VSTM4: variants seen among roughly 807,000 people sequenced by gnomAD.
The protein encoded by VSTM4 is V-set and transmembrane domain containing 4.
A neutral mutation model predicts 36.4 loss-of-function variants in VSTM4; 20 were observed. The ratio of observed to expected loss-of-function variants is 0.55; its 90% CI spans 0.39 to 0.80. VSTM4 has a LOEUF of 0.80. VSTM4 is among the 30% of genes least tolerant of loss of function. The probability of loss-of-function intolerance (pLI) is 0.00; values close to 1 mark genes in which losing one functional copy is unlikely to be tolerated. For missense variants in VSTM4, 392 were observed against 404.5 expected, an observed-to-expected ratio of 0.97 and a Z score of 0.26; for synonymous variants, 182 against 173.9, an observed-to-expected ratio of 1.05 and a Z score of -0.37.
At chr10:49,107,513 A>C (rs569871917) in intron 2 of VSTM4, 81 bp downstream of exon 2, 1 of 1,504,832 alleles carries the variant, frequency 6.6e-7, no homozygotes, top group Admixed American at 2.3e-5. Context: ...CCAACCCGGG[A>C]GCCCCTGGGT....
chr10:49,021,916 G>C (rs1048279452), intron 7 of VSTM4, among the ~76,000 whole-genome samples: 1 of 152,174 alleles, frequency 6.6e-6, no homozygotes, highest in South Asian at 2.1e-4. Context: ...GCATGTATGC[G>C]TGTATGTAAG....
chr10:49,043,379 A>G (rs991972839), intron 7 of VSTM4, among the ~76,000 whole-genome samples: 1 of 152,252 alleles, frequency 6.6e-6, no homozygotes, highest in African/African-American at 2.4e-5. Flanking sequence ...AAATGTGGCT[A>G]CTAGAAAGTT....
At chr10:49,027,776 G>A (rs929625771) in intron 7 of VSTM4, among the ~76,000 whole-genome samples, 1 of 152,220 alleles carries the variant, frequency 6.6e-6, no homozygotes, top group African/African-American at 2.4e-5. Context: ...AGCAACGATT[G>A]TCTGCTCCTC....
chr10:49,043,217 T>C (rs1473389539), intron 7 of VSTM4, among the ~76,000 whole-genome samples: 2 of 152,230 alleles, frequency 1.3e-5, no homozygotes, highest in Non-Finnish European at 2.9e-5. Flanking sequence ...AAATAGACAC[T>C]GGATTCTGAA....
intron 7 of VSTM4, among the ~76,000 whole-genome samples, chr10:49,043,007 C>G (rs1843544642): frequency 6.6e-6 from 1 of 152,098 alleles, no homozygotes; most frequent in South Asian, 2.1e-4. Flanking sequence ...CAGGAACATG[C>G]TTGGTATATT....
At chr10:49,025,733 G>C (rs966061289) in intron 7 of VSTM4, among the ~76,000 whole-genome samples, 1 of 152,188 alleles carries the variant, frequency 6.6e-6, no homozygotes, top group Admixed American at 6.5e-5. Context: ...AATGCACCTG[G>C]CTACCAAGTG....
chr10:49,026,260 A>G (rs1843259691), intron 7 of VSTM4, among the ~76,000 whole-genome samples: 1 of 152,190 alleles, frequency 6.6e-6, no homozygotes, highest in South Asian at 2.1e-4. Flanking sequence ...CCCTGGGTCT[A>G]CCCAGGGTCT....
Position 49,019,350 on chromosome 10 carries a change from T to C in VSTM4, c.*300A>G. 4.2e-6 allele frequency: 1 copy of C among 238,698 alleles called. No homozygotes were observed. Among genetic ancestry groups the C allele is most frequent in the East Asian group, 8.1e-5 (1 of 12,270 alleles). 14.8% of individuals were successfully genotyped at this position (238,698 alleles called of 1,614,324 possible). On this transcript the variant is annotated 3_prime_UTR_variant, in exon 8 of 8. Coordinates refer to ENST00000332853, the MANE Select transcript of VSTM4 (RefSeq NM_001031746.5). The stretch of plus-strand genomic sequence containing the variant: ...AAAACCTGGGGAAAGAGGAGAAAAA[T>C]GTGAAGGGGTTTGGCTCAGCAGAAA...
At chr10:49,021,867 G>C (rs1305324090) in intron 7 of VSTM4, among the ~76,000 whole-genome samples, 1 of 152,174 alleles carries the variant, frequency 6.6e-6, no homozygotes, top group East Asian at 1.9e-4. Context: ...GGAGCTATAT[G>C]TGTACTTTAT....
intron 5 of VSTM4, among the ~76,000 whole-genome samples, chr10:49,052,667 G>T (rs1843716661): frequency 6.6e-6 from 1 of 151,848 alleles, no homozygotes; most frequent in Admixed American, 6.6e-5. Context: ...TCAAAACTTG[G>T]GTAGTCTCCC....
At position 49,047,041 on chromosome 10, in the gene VSTM4, G is replaced by C. The variant is rs187843947; in HGVS notation, c.779C>G (p.Pro260Arg). The part of the protein sequence containing the change: ...DIPPAVPAKA[P>R]IAPTFHKPKL... ...CGGTTTATGGAACGTGGGGGCTATC[G>C]GAGCTGTGGAAGTAGGTCAAGGGTT... Residue 260 changes from proline to arginine, a missense_variant, in exon 7 of 8, where the codon CCG (proline) becomes CGG (arginine). Coordinates refer to ENST00000332853, the MANE Select transcript of VSTM4 (RefSeq NM_001031746.5). 1.2e-6 allele frequency: 2 copies of C among 1,614,118 alleles called. No individual in the cohort carries two copies. Among genetic ancestry groups the C allele is most frequent in the Non-Finnish European group, 1.7e-6 (2 of 1,180,024 alleles).
At chr10:49,092,144 T>C (rs1258309369) in intron 2 of VSTM4, among the ~76,000 whole-genome samples, 1 of 152,200 alleles carries the variant, frequency 6.6e-6, no homozygotes, top group African/African-American at 2.4e-5. Context: ...CTTAGTGCTC[T>C]AAAGCCATAT....
At chr10:49,034,494 T>C (rs1843397795) in intron 7 of VSTM4, among the ~76,000 whole-genome samples, 2 of 152,220 alleles carry the variant, frequency 1.3e-5, no homozygotes. Flanking sequence ...CTATGTCTTA[T>C]TGTCTTTTGG....
intron 4 of VSTM4, among the ~76,000 whole-genome samples, chr10:49,073,235 G>A (rs988269370): frequency 6.6e-6 from 1 of 152,202 alleles, no homozygotes; most frequent in African/African-American, 2.4e-5. Context: ...CTGAGCCTGA[G>A]CAACCTTCTT....
rs1843114792 is a variant in VSTM4 at position 49,017,062 on chromosome 10, GC to G, written c.*2587del. 2 of 152,182 alleles carry G rather than the reference GC, an allele frequency of 1.3e-5. No homozygotes were observed. The allele number at this position is 152,182 out of a possible 1,614,324, so 9.4% of individuals were successfully genotyped here. A position where few individuals can be genotyped will look rare whatever the true frequency, so the allele number is the denominator to read the frequency against. ...CTCATATGTAGTTTCTGCCATTGAT[GC>G]CTTATAGTGAAAACAAATTGACAAA... On this transcript the variant is annotated 3_prime_UTR_variant, in exon 8 of 8. Coordinates refer to ENST00000332853, the MANE Select transcript of VSTM4 (RefSeq NM_001031746.5).
intron 2 of VSTM4, among the ~76,000 whole-genome samples, chr10:49,107,365 C>A (rs960172439): frequency 5.3e-5 from 8 of 152,260 alleles, no homozygotes; most frequent in Admixed American, 3.9e-4. Flanking sequence ...GGGGCAGGCA[C>A]TTGGTCCTTT....
At chr10:49,078,272 C>T (rs192129596) in intron 3 of VSTM4, among the ~76,000 whole-genome samples, 88 of 152,318 alleles carry the variant, frequency 5.8e-4, no homozygotes, top group African/African-American at 2.0e-3. Flanking sequence ...AAGGAGACAC[C>T]TGTAACAACC....
rs1844245734 is a variant in VSTM4 at position 49,079,771 on chromosome 10, GT to G, written c.527-2446del. On this transcript the variant is annotated intron_variant, in intron 3 of 7. Transcript: ENST00000332853. ...CAAGAGGGCTAGAGTTCTGCACCGA[GT>G]TGTATTTAAAATAACAAAAAATACA... is the stretch of plus-strand genomic sequence containing the variant. Among the ~76,000 whole-genome samples, 10 of 151,724 alleles carry G rather than the reference GT, an allele frequency of 6.6e-5. No individual in the cohort carries two copies. In the South Asian group the frequency reaches 2.1e-3, roughly 32 times the overall value.
rs1005826857 is a variant in VSTM4, at chr10:49,017,274, A to T, written c.*2376T>A. On this transcript the variant is annotated 3_prime_UTR_variant, in exon 8 of 8. Transcript: ENST00000332853. ...CTGATACAAGTCATCCATTGCTTCC[A>T]GTTCTGAGCACAGCTTGGGCATTTG... 2.0e-5 allele frequency: 3 copies of T among 152,228 alleles called. No homozygotes were observed. Among genetic ancestry groups the T allele is most frequent in the African/African-American group, 7.2e-5 (3 of 41,462 alleles). 9.4% of individuals were successfully genotyped at this position (152,228 alleles called of 1,614,324 possible).
Sources: gnomAD v4.1 joint callset for allele counts (sites outside exome capture counted in the v4.1 genomes callset) on GRCh38, gnomAD v4.1.1 for gene constraint, MANE v1.5 for transcripts, NCBI Gene and HGNC (gene_info 2026-07-23, HGNC 2026-07-21) for gene names.